Variants in CHERP observed in about 807,000 individuals in gnomAD.
CHERP encodes the protein calcium homeostasis endoplasmic reticulum protein.
A neutral mutation model predicts 113.8 loss-of-function variants in CHERP; 8 were observed. The observed-to-expected ratio is 0.07, with a 90% CI of 0.04 to 0.13. The LOEUF is 0.13. Among genes scored for constraint, CHERP ranks in the 10% least tolerant of loss-of-function variants. CHERP has a pLI of 1.00. For missense variants in CHERP, 884 were observed against 1,298.2 expected, an observed-to-expected ratio of 0.68 and a Z score of 4.90; for synonymous variants, 559 against 524.5, an observed-to-expected ratio of 1.07 and a Z score of -0.90.
At chr19:16,541,728 G>A in intron 2 of CHERP, 142 bp downstream of exon 2, 2 of 887,388 alleles carry the variant, frequency 2.3e-6, no homozygotes, top group Non-Finnish European at 1.7e-6. Context: ...CGTGGGAACA[G>A]CGGAACAGGG....
rs1482209940 is a variant in CHERP at position 16,522,283 on chromosome 19, C to T, written c.1981-629G>A. Reference sequence around the variant, plus strand: ...CAACCCCCCCTTTTTTTTTTTGAGACGGAGTCCTGCTCTCGCCCAGGCTGG... The same window carrying T: ...CAACCCCCCCTTTTTTTTTTTGAGATGGAGTCCTGCTCTCGCCCAGGCTGG... On this transcript the variant is annotated intron_variant, in intron 11 of 16. Coordinates refer to ENST00000546361, the MANE Select transcript of CHERP (RefSeq NM_006387.6). Among the ~76,000 whole-genome samples the T allele has an allele frequency of 5.4e-5, 8 of 148,430 alleles. No individual in the cohort carries two copies. In the East Asian group the frequency reaches 8.2e-4, roughly 15 times the overall value.
At position 16,530,727 on chromosome 19, in the gene CHERP, G is replaced by A. The variant is rs2085695780; in HGVS notation, c.786+42C>T. Reference sequence around the variant, plus strand: ...GTCAGTGGGGAGGGGAAAGGCCTGTGTGTCCCGGTCTTGCCCAACCCCCGG... The same window carrying A: ...GTCAGTGGGGAGGGGAAAGGCCTGTATGTCCCGGTCTTGCCCAACCCCCGG... On this transcript the variant is annotated intron_variant, in intron 6 of 16. Coordinates refer to ENST00000546361, the MANE Select transcript of CHERP (RefSeq NM_006387.6). This position sits in a 1 kb window ranked among gnomAD's most constrained non-coding sequence, Gnocchi z 4.1. 2.5e-6 allele frequency: 4 copies of A among 1,614,038 alleles called. No individual in the cohort carries two copies. The highest frequency in any genetic ancestry group is 2.7e-5 in the African/African-American group (2 of 75,068).
At position 16,519,082 on chromosome 19, in the gene CHERP, A is replaced by AT. The variant is rs1320300742; in HGVS notation, c.*76dup. Reference sequence around the variant, plus strand: ...GTGTAAGAACTGAGCTGTCACTGCAATCTTCCTCTGCCAGTCAGCCAGGAA... The same window carrying AT: ...GTGTAAGAACTGAGCTGTCACTGCAATTCTTCCTCTGCCAGTCAGCCAGGAA... On this transcript the variant is annotated 3_prime_UTR_variant, in exon 17 of 17. Transcript: ENST00000546361. The surrounding 1 kb of genome is among the most constrained non-coding windows in gnomAD (Gnocchi z 6.0). The AT allele has an allele frequency of 6.7e-6, 9 of 1,344,016 alleles. No individual in the cohort carries two copies. The highest frequency in any genetic ancestry group is 1.8e-4 in the Middle Eastern group (1 of 5,484). The allele number at this position is 1,344,016 out of a possible 1,614,324, so 83.3% of individuals were successfully genotyped here.
chr19:16,534,937 G>T (rs966866584), intron 3 of CHERP, among the ~76,000 whole-genome samples: 1 of 152,142 alleles, frequency 6.6e-6, no homozygotes, highest in East Asian at 1.9e-4. Context: ...TTAGCCGGGT[G>T]TGGTGGTGCA....
intron 5 of CHERP, among the ~76,000 whole-genome samples, chr19:16,531,624 G>A (rs1039873147): frequency 6.6e-6 from 1 of 152,260 alleles, no homozygotes; most frequent in Admixed American, 6.5e-5. Context: ...GGACAGAGTA[G>A]AGCTAGAGAG....
chr19:16,539,021 C>A (rs12462520), intron 2 of CHERP, among the ~76,000 whole-genome samples: 7,074 of 152,168 alleles, frequency 0.046, 411 homozygotes, highest in African/African-American at 0.12. Context: ...CCTGTTTGCT[C>A]CCCTGCAGGC....
Position 16,519,691 on chromosome 19 carries a change from A to G in CHERP, c.2487T>C (p.Asn829=), listed in dbSNP as rs2085589450. 4 of 1,613,838 alleles carry G rather than the reference A, an allele frequency of 2.5e-6. No individual in the cohort carries two copies. Among genetic ancestry groups the G allele is most frequent in the Admixed American group, 1.7e-5 (1 of 59,994 alleles). Residue 829 remains asparagine, a synonymous_variant, in exon 16 of 17, where the codon AAT becomes AAC. Transcript: ENST00000546361. The surrounding 1 kb of genome is among the most constrained non-coding windows in gnomAD (Gnocchi z 6.0). ...TPPSSAGLGS[N]SAPPIPDSRL... is the part of the protein sequence containing the mutation. ...TTGAGTCAGGGATGGGAGGCGCCGA[A>G]TTAGAACCCAGACCAGCAGAGGAAC...
At chr19:16,524,789 C>T (rs1389277075) in intron 10 of CHERP, among the ~76,000 whole-genome samples, 2 of 150,530 alleles carry the variant, frequency 1.3e-5, no homozygotes, top group African/African-American at 4.9e-5. Flanking sequence ...TTTGAGACAG[C>T]GGTCTGTCGC....
rs1451302983 is a variant in CHERP, at chr19:16,519,858, G to A, written c.2463-143C>T. ...GTATGCAGATTTTGCGTCTCTACCC[G>A]TTTATCCTGTCTCAGCTAGATAAGG... is the stretch of plus-strand genomic sequence containing the variant. On this transcript the variant is annotated intron_variant, in intron 15 of 16. Transcript: ENST00000546361. This position sits in a 1 kb window ranked among gnomAD's most constrained non-coding sequence, Gnocchi z 6.0. 90 of 774,520 alleles carry A rather than the reference G, an allele frequency of 1.2e-4. No individual in the cohort carries two copies. In the South Asian group the frequency reaches 1.2e-3, roughly 11 times the overall value. The allele number at this position is 774,520 out of a possible 1,614,324, so 48.0% of individuals were successfully genotyped here.
rs746079555 is a variant in CHERP, at chr19:16,542,383, C to T, written c.-5G>A. 1.5e-6 allele frequency: 2 copies of T among 1,365,658 alleles called. No homozygotes were observed. Among genetic ancestry groups the T allele is most frequent in the Non-Finnish European group, 1.9e-6 (2 of 1,051,608 alleles). 84.6% of individuals were successfully genotyped at this position (1,365,658 alleles called of 1,614,324 possible). ...GGGGGGCAGCGGCATCTCCATGGCT[C>T]CGGCCGCGGGGAACGTCCTCCGGCG... is the stretch of plus-strand genomic sequence containing the variant. On this transcript the variant is annotated 5_prime_UTR_variant, in exon 1 of 17. Transcript: ENST00000546361.
chr19:16,542,293 G>A, intron 1 of CHERP, 61 bp downstream of exon 1: 2 of 1,363,544 alleles, frequency 1.5e-6, no homozygotes, highest in Middle Eastern at 1.9e-4. Context: ...CGGGAGGCGG[G>A]GCCGGCCAAT....
intron 11 of CHERP, 106 bp from the exon 12 acceptor site, chr19:16,521,760 A>C: frequency 8.9e-7 from 1 of 1,124,716 alleles, no homozygotes; most frequent in Non-Finnish European, 1.2e-6. Flanking sequence ...TTCAGTGTCA[A>C]GGGTACCCTG....
rs773134390 is a variant in CHERP at position 16,529,708 on chromosome 19, G to A, written c.1069C>T (p.Pro357Ser). 1 of 1,593,358 alleles carries A rather than the reference G, an allele frequency of 6.3e-7. No homozygotes were observed. The highest frequency in any genetic ancestry group is 1.7e-5 in the Admixed American group (1 of 57,408). Reference protein sequence around the residue: ...MEAEVKATPPPPAPPPAPAPA... With the variant: ...MEAEVKATPPSPAPPPAPAPA... The stretch of plus-strand genomic sequence containing the variant: ...GCTGGGGCCGGGGGTGGAGCAGGCG[G>A]TGGAGGCGTGGCCTTGACTTCAGCC... The change falls in exon 8 of 17, where the codon CCG becomes TCG. Residue 357 changes from proline to serine, a missense_variant. Pro to Ser is a moderately conservative substitution (Grantham distance 74). Coordinates refer to ENST00000546361, the MANE Select transcript of CHERP (RefSeq NM_006387.6).
Position 16,520,523 on chromosome 19 carries a change from T to C in CHERP, c.2202-16A>G. ...CGAGGGTCCGCTGTGGGGAGAGGCC[T>C]GATGATCAGGTGCCCCAGTGGATGG... On this transcript the variant is annotated splice_polypyrimidine_tract_variant and intron_variant, in intron 13 of 16. Transcript: ENST00000546361. The surrounding 1 kb of genome is among the most constrained non-coding windows in gnomAD (Gnocchi z 4.0). 6.2e-7 allele frequency: 1 copy of C among 1,605,390 alleles called. No individual in the cohort carries two copies. The highest frequency in any genetic ancestry group is 8.5e-7 in the Non-Finnish European group (1 of 1,175,372).
At chr19:16,541,751 G>T in intron 2 of CHERP, 119 bp downstream of exon 2, 1 of 1,051,176 alleles carries the variant, frequency 9.5e-7, no homozygotes, top group Non-Finnish European at 1.4e-6. Context: ...CGTGTGGACC[G>T]AGCTGCTCCA....
rs2033817175 is a variant in CHERP, at chr19:16,529,809, T to G, written c.968A>C (p.Glu323Ala). 6.2e-7 allele frequency: 1 copy of G among 1,613,494 alleles called. No individual in the cohort carries two copies. The highest frequency in any genetic ancestry group is 1.3e-5 in the African/African-American group (1 of 74,904). ...CTGCTGGGCCAGGCTGGTGACAAAC[T>G]CCTCGTGCTGCGTCTTGAGGGTCTG... is the stretch of plus-strand genomic sequence containing the variant. ...QIQTLKTQHEEFVTSLAQQQQ... is the reference protein window; with the variant it reads ...QIQTLKTQHEAFVTSLAQQQQ... Residue 323 changes from glutamate to alanine, a missense_variant, in exon 8 of 17, where the codon GAG becomes GCG. Around this residue, in one of 8 missense-constraint regions of CHERP, gnomAD observed 464 missense variants for 590.1 expected, o/e 0.79. Transcript: ENST00000546361.
rs755141280 is a variant in CHERP at position 16,520,967 on chromosome 19, C to T, written c.2115-55G>A. 1.2e-5 allele frequency: 18 copies of T among 1,467,346 alleles called. No individual in the cohort carries two copies. Among genetic ancestry groups the T allele is most frequent in the East Asian group, 2.3e-5 (1 of 44,228 alleles). 90.9% of individuals were successfully genotyped at this position (1,467,346 alleles called of 1,614,324 possible). ...ACGTGACACCCACCCACAAGGAAGTCGTGAAAAAGTCATCAGGAGTTAATC... is the reference window on the plus strand; with the variant it reads ...ACGTGACACCCACCCACAAGGAAGTTGTGAAAAAGTCATCAGGAGTTAATC... On this transcript the variant is annotated intron_variant, in intron 12 of 16. Transcript: ENST00000546361. The surrounding 1 kb of genome is among the most constrained non-coding windows in gnomAD (Gnocchi z 4.0).
At position 16,520,935 on chromosome 19, in the gene CHERP, T is replaced by C. The variant is rs772229224; in HGVS notation, c.2115-23A>G. 4.5e-5 allele frequency: 72 copies of C among 1,601,302 alleles called. No homozygotes were observed. Among genetic ancestry groups the C allele is most frequent in the Non-Finnish European group, 5.9e-5 (69 of 1,169,222 alleles). On this transcript the variant is annotated intron_variant, in intron 12 of 16. Coordinates refer to ENST00000546361, the MANE Select transcript of CHERP (RefSeq NM_006387.6). The surrounding 1 kb of genome is among the most constrained non-coding windows in gnomAD (Gnocchi z 4.0). The stretch of plus-strand genomic sequence containing the variant: ...TCACTGTAAGACACGGCATTCCGTG[T>C]GTGACCACGTGACACCCACCCACAA...
In CHERP at chr19:16,525,764, T is replaced by TCGGCAGCATCACAGCGCTC; in HGVS notation, c.1306-88_1306-87insGAGCGCTGTGATGCTGCCG. The TCGGCAGCATCACAGCGCTC allele has an allele frequency of 1.3e-5, 17 of 1,275,068 alleles. No homozygotes were observed. The highest frequency in any genetic ancestry group is 1.0e-4 in the South Asian group (6 of 60,034). 79.0% of individuals were successfully genotyped at this position (1,275,068 alleles called of 1,614,324 possible). On this transcript the variant is annotated intron_variant, in intron 9 of 16. Coordinates refer to ENST00000546361, the MANE Select transcript of CHERP (RefSeq NM_006387.6). This position sits in a 1 kb window ranked among gnomAD's most constrained non-coding sequence, Gnocchi z 6.5. ...ACAGCGCTCGGCAGCATCACAGCGC[T>TCGGCAGCATCACAGCGCTC]GGCTCAGACCATGGAGGCGCTGCCC...
Sources: allele counts gnomAD v4.1 joint callset (sites outside exome capture counted in the v4.1 genomes callset), GRCh38; gene constraint gnomAD v4.1.1; regional missense constraint gnomAD v4.1.1; non-coding constraint Gnocchi (gnomAD v3.1); transcripts MANE v1.5; gene names NCBI Gene and HGNC (gene_info 2026-07-23, HGNC 2026-07-21).